Variants in HK3 observed in about 807,000 individuals in gnomAD.
HK3 encodes the protein hexokinase-3.
A neutral mutation model predicts 91.0 loss-of-function variants in HK3; 93 were observed. That is an observed-to-expected ratio of 1.02 (90% confidence interval 0.86 to 1.21). The LOEUF (loss-of-function observed/expected upper bound fraction) is 1.21, where lower values mean the gene tolerates loss of function less well. Among genes scored for constraint, HK3 ranks in the 50% most tolerant of loss-of-function variants. The pLI, the probability that HK3 is intolerant of heterozygous loss-of-function variation, is 0.00. For missense variants in HK3, 1,235 were observed against 1,247.4 expected (o/e 0.99, Z 0.15); for synonymous variants, 519 against 516.9 (o/e 1.00, Z -0.06).
rs1469774806 is a variant in HK3, at chr5:176,887,050, T to A, written c.1809A>T (p.Pro603=). ...QKQGLSGQSL[P]LGFTFSFPCR... is the part of the protein sequence containing the mutation. The stretch of plus-strand genomic sequence containing the variant: ...ATGGGAAGGAGAAGGTAAAACCCAG[T>A]GGGAGGCTCTGCCCGCTCAGGCCCT... Residue 603 remains proline (P), a synonymous_variant, in exon 13 of 19, where the codon CCA becomes CCT. Transcript: ENST00000292432. This position sits in a 1 kb window ranked among gnomAD's most constrained non-coding sequence, Gnocchi z 4.9. The A allele has an allele frequency of 6.2e-7, 1 of 1,614,122 alleles. No homozygotes were observed. Among genetic ancestry groups the A allele is most frequent in the Non-Finnish European group, 8.5e-7 (1 of 1,180,018 alleles).
At chr5:176,891,627 G>T in intron 2 of HK3, 77 bp from the exon 3 acceptor site, 1 of 1,455,268 alleles carries the variant, frequency 6.9e-7, no homozygotes, top group Non-Finnish European at 9.3e-7. Context: ...ACAAGGCAGA[G>T]GCCTGCCCTG....
At chr5:176,893,910 G>C (rs1426364318) in intron 2 of HK3, among the ~76,000 whole-genome samples, 1 of 152,228 alleles carries the variant, frequency 6.6e-6, no homozygotes, top group East Asian at 1.9e-4. Flanking sequence ...AGGCATTAGA[G>C]AGCATGTGAA....
At chr5:176,896,528 C>T (rs890380289) in intron 1 of HK3, among the ~76,000 whole-genome samples, 2 of 152,200 alleles carry the variant, frequency 1.3e-5, no homozygotes. Context: ...CTCACAGTCT[C>T]ATCAACAATC....
intron 2 of HK3, among the ~76,000 whole-genome samples, chr5:176,893,159 C>T (rs1758820954): frequency 1.3e-5 from 2 of 152,102 alleles, no homozygotes; most frequent in Non-Finnish European, 1.5e-5. Flanking sequence ...AATATGGAAA[C>T]GGAGACTCCG....
intron 15 of HK3, 82 bp from the exon 16 acceptor site, chr5:176,882,209 A>G: frequency 5.6e-6 from 8 of 1,437,652 alleles, no homozygotes; most frequent in Non-Finnish European, 7.7e-6. Flanking sequence ...CGAGATGGCA[A>G]CGATTCGGGC....
chr5:176,886,484 T>C (rs1758586936), intron 13 of HK3, among the ~76,000 whole-genome samples: 1 of 151,846 alleles, frequency 6.6e-6, no homozygotes, highest in Non-Finnish European at 1.5e-5. Context: ...GTGACAGGCT[T>C]CCGGTGTGCA....
chr5:176,890,800 T>C (rs375155440), intron 5 of HK3, 22 bp downstream of exon 5: 5 of 1,614,172 alleles, frequency 3.1e-6, no homozygotes, highest in Non-Finnish European at 4.2e-6. Context: ...CTACCCAGCG[T>C]CCCATGTCCA....
chr5:176,895,640 G>A (rs549591824), intron 2 of HK3, among the ~76,000 whole-genome samples: 1 of 152,282 alleles, frequency 6.6e-6, no homozygotes, highest in African/African-American at 2.4e-5. Flanking sequence ...GCTACATTGA[G>A]GGAGACATGC....
intron 6 of HK3, among the ~76,000 whole-genome samples, chr5:176,889,988 G>A (rs956696181): frequency 8.6e-5 from 13 of 151,770 alleles, no homozygotes; most frequent in African/African-American, 2.7e-4. Flanking sequence ...TCACAGTGAC[G>A]TCCACCCTCA....
Position 176,889,710 on chromosome 5 carries a change from T to C in HK3, c.665A>G (p.Asp222Gly), listed in dbSNP as rs202031969. The change falls in exon 7 of 19, where the codon GAC (aspartate) becomes GGC (glycine). Residue 222 changes from aspartate (D) to glycine (G), a missense_variant. Asp to Gly is a moderately conservative substitution (Grantham distance 94, BLOSUM62 -1). Transcript: ENST00000292432. The part of the protein sequence containing the change: ...YNIDVVAVVN[D>G]TVGTMMGCEP... ...ACAGCCCATCATGGTGCCCACTGTG[T>C]CGTTCACCACAGCAACCACGTCGAT... The C allele has an allele frequency of 3.1e-6, 5 of 1,613,928 alleles. No homozygotes were observed. In the African/African-American group the frequency reaches 4.0e-5, roughly 13 times the overall value.
chr5:176,881,417 G>T lies in HK3; in HGVS notation c.2512C>A (p.Gln838Lys), dbSNP rs1255789408. ...VCQAVSQRAA[Q>K]LCGAGVAAVV... is the part of the protein sequence containing the mutation. ...GCAGCTACACCCGCCCCACAGAGCT[G>T]GGCAGCCCTCTGGGACACAGCCTGG... Residue 838 changes from glutamine to lysine, a missense_variant, in exon 18 of 19, where the codon CAG becomes AAG. Coordinates refer to ENST00000292432, the MANE Select transcript of HK3 (RefSeq NM_002115.3). 7 of 1,612,798 alleles carry T rather than the reference G, an allele frequency of 4.3e-6. No individual in the cohort carries two copies. The African/African-American group carries it at 9.3e-5, about 22-fold the overall frequency.
rs1323459746 is a variant in HK3, at chr5:176,887,540, A to T, written c.1511T>A (p.Met504Lys). The T allele has an allele frequency of 3.1e-6, 5 of 1,613,772 alleles. No individual in the cohort carries two copies. Among genetic ancestry groups the T allele is most frequent in the Non-Finnish European group, 3.4e-6 (4 of 1,179,988 alleles). The change falls in exon 11 of 19, where the codon ATG (methionine) becomes AAG (lysine). Residue 504 changes from methionine to lysine, a missense_variant. Physicochemically the swap from Met to Lys is moderately conservative, Grantham distance 95 (BLOSUM62 -1). Around this residue, in one of 3 missense-constraint regions of HK3, gnomAD observed 717 missense variants for 751.6 expected, o/e 0.95. Transcript: ENST00000292432. The surrounding 1 kb of genome is among the most constrained non-coding windows in gnomAD (Gnocchi z 4.9). ...GAGCCCCTTGGCCATGGCCTTCCGCATCTGTGCCTGAACCGCAGCCAGTTG... is the reference window on the plus strand; with the variant it reads ...GAGCCCCTTGGCCATGGCCTTCCGCTTCTGTGCCTGAACCGCAGCCAGTTG... Reference protein sequence around the residue: ...HDQLAAVQAQMRKAMAKGLRG... With the variant: ...HDQLAAVQAQKRKAMAKGLRG...
chr5:176,884,163 G>A lies in HK3; in HGVS notation c.1858-29C>T, dbSNP rs1188083542. 1 of 1,580,832 alleles carries A rather than the reference G, an allele frequency of 6.3e-7. No homozygotes were observed. Among genetic ancestry groups the A allele is most frequent in the Non-Finnish European group, 8.7e-7 (1 of 1,149,876 alleles). On this transcript the variant is annotated intron_variant, in intron 13 of 18. Coordinates refer to ENST00000292432, the MANE Select transcript of HK3 (RefSeq NM_002115.3). The surrounding 1 kb of genome is among the most constrained non-coding windows in gnomAD (Gnocchi z 4.1). ...GGGTGAGACCGAGAGGAAGTGGCAG[G>A]AAGCTGGAGGCCCCTTCAGGCTCAC...
chr5:176,884,438 G>C lies in HK3; in HGVS notation c.1858-304C>G, dbSNP rs539214304. On this transcript the variant is annotated intron_variant, in intron 13 of 18. Coordinates refer to ENST00000292432, the MANE Select transcript of HK3 (RefSeq NM_002115.3). This position sits in a 1 kb window ranked among gnomAD's most constrained non-coding sequence, Gnocchi z 4.1. Reference sequence around the variant, plus strand: ...CCGGAAGGAATGGCCCTTTGTAATTGGGTTAGGAATTAACAGAGCTGGTAA... The same window carrying C: ...CCGGAAGGAATGGCCCTTTGTAATTCGGTTAGGAATTAACAGAGCTGGTAA... 3.8e-4 allele frequency among the ~76,000 whole-genome samples: 58 copies of C among 152,354 alleles called. No individual in the cohort carries two copies. Among genetic ancestry groups the C allele is most frequent in the African/African-American group, 1.3e-3 (56 of 41,580 alleles).
rs144465730 is a variant in HK3 at position 176,887,518 on chromosome 5, C to G, written c.1533G>C (p.Gly511=). The G allele has an allele frequency of 6.2e-7, 1 of 1,613,764 alleles. No individual in the cohort carries two copies. Among genetic ancestry groups the G allele is most frequent in the South Asian group, 1.1e-5 (1 of 91,090 alleles). ...QAQMRKAMAK[G]LRGEASSLRM... Reference sequence around the variant, plus strand: ...GAAGGGAGGAGGCCTCCCCTCGGAGCCCCTTGGCCATGGCCTTCCGCATCT... The same window carrying G: ...GAAGGGAGGAGGCCTCCCCTCGGAGGCCCTTGGCCATGGCCTTCCGCATCT... Residue 511 remains glycine, a synonymous_variant, in exon 11 of 19, where the codon GGG becomes GGC. Transcript: ENST00000292432. This position sits in a 1 kb window ranked among gnomAD's most constrained non-coding sequence, Gnocchi z 4.9.
chr5:176,893,448 G>A (rs969250948), intron 2 of HK3, among the ~76,000 whole-genome samples: 4 of 152,068 alleles, frequency 2.6e-5, no homozygotes, highest in Admixed American at 6.5e-5. Context: ...TCACCTCTTC[G>A]TGCAAAACTG....
rs1397329923 is a variant in HK3, at chr5:176,888,430, G to A, written c.1206C>T (p.Ala402=). ...CTRAAQLCAA[A]LAAVLSCLQH... Reference sequence around the variant, plus strand: ...GGAGGCAGGAGAGAACAGCGGCCAGGGCGGCAGCACAGAGCTGGGCAGCCC... The same window carrying A: ...GGAGGCAGGAGAGAACAGCGGCCAGAGCGGCAGCACAGAGCTGGGCAGCCC... Residue 402 remains alanine, a synonymous_variant, in exon 10 of 19, where the codon GCC becomes GCT. Coordinates refer to ENST00000292432, the MANE Select transcript of HK3 (RefSeq NM_002115.3). 1.3e-6 allele frequency: 2 copies of A among 1,560,342 alleles called. No homozygotes were observed. The highest frequency in any genetic ancestry group is 1.7e-6 in the Non-Finnish European group (2 of 1,151,610).
chr5:176,881,071 C>T lies in HK3; in HGVS notation c.*2G>A. On this transcript the variant is annotated 3_prime_UTR_variant, in exon 19 of 19. Coordinates refer to ENST00000292432, the MANE Select transcript of HK3 (RefSeq NM_002115.3). Reference sequence around the variant, plus strand: ...GGAGACCTCCTCAGCCTGGAGGTTTCCTCAGACACGAGTCAACTGCGCAAG... The same window carrying T: ...GGAGACCTCCTCAGCCTGGAGGTTTTCTCAGACACGAGTCAACTGCGCAAG... The T allele has an allele frequency of 5.0e-6, 8 of 1,597,840 alleles. No individual in the cohort carries two copies. The highest frequency in any genetic ancestry group is 1.3e-5 in the African/African-American group (1 of 74,388).
In HK3 at chr5:176,889,712, G is replaced by A. The variant is rs753683460; in HGVS notation, c.663C>T (p.Asn221=). The A allele has an allele frequency of 8.3e-5, 134 of 1,613,984 alleles. No individual in the cohort carries two copies. Among genetic ancestry groups the A allele is most frequent in the Non-Finnish European group, 1.0e-4 (121 of 1,180,036 alleles). ...AYNIDVVAVV[N]DTVGTMMGCE... ...AGCCCATCATGGTGCCCACTGTGTCGTTCACCACAGCAACCACGTCGATGT... is the reference window on the plus strand; with the variant it reads ...AGCCCATCATGGTGCCCACTGTGTCATTCACCACAGCAACCACGTCGATGT... The change falls in exon 7 of 19, where the codon AAC becomes AAT. Residue 221 remains asparagine (N), a synonymous_variant. Coordinates refer to ENST00000292432, the MANE Select transcript of HK3 (RefSeq NM_002115.3).
Sources: allele counts gnomAD v4.1 joint callset (sites outside exome capture counted in the v4.1 genomes callset), GRCh38; gene constraint gnomAD v4.1.1; regional missense constraint gnomAD v4.1.1; non-coding constraint Gnocchi (gnomAD v3.1); transcripts MANE v1.5; gene names NCBI Gene and HGNC (gene_info 2026-07-23, HGNC 2026-07-21).